Variants in QTMAN observed in about 807,000 individuals in gnomAD.
QTMAN encodes the protein tRNA-queuosine alpha-mannosyltransferase.
At chr2:143,939,719 AC>A in the QTMAN span, 2 of 152,164 alleles carry the variant, frequency 1.3e-5, no homozygotes, top group African/African-American at 2.4e-5. Context: ...AACTTCAGAC[AC>A]CCGAGGAAGA....
chr2:144,095,626 GTA>G, the QTMAN span, among the ~76,000 whole-genome samples: 1 of 152,082 alleles, frequency 6.6e-6, no homozygotes, highest in African/African-American at 2.4e-5. Context: ...GAAAACGCTG[GTA>G]TGCTTTTGAG....
chr2:144,280,953 A>T, the QTMAN span, among the ~76,000 whole-genome samples: 3 of 151,916 alleles, frequency 2.0e-5, no homozygotes, highest in African/African-American at 7.3e-5. Flanking sequence ...ACATGTGCAC[A>T]ACGTGCAGGT....
At chr2:144,152,241 T>C in the QTMAN span, among the ~76,000 whole-genome samples, 1 of 152,214 alleles carries the variant, frequency 6.6e-6, no homozygotes, top group Non-Finnish European at 1.5e-5. Flanking sequence ...TCAAAGACTG[T>C]AGGCACAACC....
At chr2:144,199,893 T>C in the QTMAN span, among the ~76,000 whole-genome samples, 2 of 152,156 alleles carry the variant, frequency 1.3e-5, no homozygotes, top group Non-Finnish European at 2.9e-5. Flanking sequence ...TACTCCAAAG[T>C]GATTTTTTTC....
At chr2:144,118,605 C>A in the QTMAN span, among the ~76,000 whole-genome samples, 1 of 151,976 alleles carries the variant, frequency 6.6e-6, no homozygotes, top group Admixed American at 6.6e-5. Context: ...GATTGTGGGC[C>A]AGGCGCAGTG....
At chr2:143,999,319 A>G in the QTMAN span, among the ~76,000 whole-genome samples, 1 of 151,980 alleles carries the variant, frequency 6.6e-6, no homozygotes, top group Admixed American at 6.6e-5. Flanking sequence ...ATGTCTGTGG[A>G]AGGCAGAGGA....
At chr2:144,027,472 C>A in the QTMAN span, among the ~76,000 whole-genome samples, 1 of 152,108 alleles carries the variant, frequency 6.6e-6, no homozygotes, top group African/African-American at 2.4e-5. Flanking sequence ...TGAAGCAAAA[C>A]CACATGAGAG....
At chr2:144,094,968 C>T in the QTMAN span, among the ~76,000 whole-genome samples, 2 of 152,138 alleles carry the variant, frequency 1.3e-5, no homozygotes, top group African/African-American at 4.8e-5. Flanking sequence ...GTAAACCTAG[C>T]ACCTAGTATG....
chr2:144,170,397 T>A, the QTMAN span, among the ~76,000 whole-genome samples: 314 of 152,282 alleles, frequency 2.1e-3, no homozygotes, highest in African/African-American at 7.2e-3. Flanking sequence ...ATCATTTTCA[T>A]GCTAGTTCCC....
the QTMAN span, among the ~76,000 whole-genome samples, chr2:144,153,293 C>A: frequency 6.6e-6 from 1 of 151,506 alleles, no homozygotes. Flanking sequence ...TGCTTATTGG[C>A]CAAGAAAAAG....
the QTMAN span, among the ~76,000 whole-genome samples, chr2:144,147,664 T>C: frequency 1.3e-5 from 2 of 151,766 alleles, no homozygotes; most frequent in Non-Finnish European, 2.9e-5. Flanking sequence ...GCATAATGTT[T>C]TTCACACACA....
At chr2:144,203,853 A>G in the QTMAN span, among the ~76,000 whole-genome samples, 4 of 152,216 alleles carry the variant, frequency 2.6e-5, no homozygotes, top group Non-Finnish European at 5.9e-5. Flanking sequence ...AATGGGCTTA[A>G]GAAGAACGAA....
the QTMAN span, among the ~76,000 whole-genome samples, chr2:144,225,182 C>T: frequency 1.3e-5 from 2 of 152,176 alleles, no homozygotes; most frequent in Non-Finnish European, 2.9e-5. Flanking sequence ...AATTGGAAAG[C>T]ACCTTCTACT....
chr2:144,277,490 C>T, the QTMAN span, among the ~76,000 whole-genome samples: 1 of 152,002 alleles, frequency 6.6e-6, no homozygotes, highest in Non-Finnish European at 1.5e-5. Flanking sequence ...ACCTGATAGC[C>T]TGACAGGAAT....
At chr2:144,053,400 T>G in the QTMAN span, among the ~76,000 whole-genome samples, 1 of 152,222 alleles carries the variant, frequency 6.6e-6, no homozygotes, top group Non-Finnish European at 1.5e-5. Context: ...AATCATAAGA[T>G]ACTCTTAGGT....
the QTMAN span, among the ~76,000 whole-genome samples, chr2:144,190,054 T>C: frequency 7.9e-5 from 12 of 152,218 alleles, no homozygotes; most frequent in Admixed American, 7.9e-4. Flanking sequence ...GGTAATGATA[T>C]TACAATTATG....
chr2:144,288,884 T>C, the QTMAN span, among the ~76,000 whole-genome samples: 4 of 152,006 alleles, frequency 2.6e-5, no homozygotes, highest in African/African-American at 7.3e-5. Context: ...ATACAAAATA[T>C]GTTTGTTGAA....
the QTMAN span, chr2:143,957,232 T>C: frequency 1.2e-6 from 2 of 1,609,120 alleles, no homozygotes; most frequent in South Asian, 2.2e-5. Context: ...GCTGTTGAGA[T>C]GACAACATCA....
At chr2:144,226,651 C>G in the QTMAN span, among the ~76,000 whole-genome samples, 1 of 152,098 alleles carries the variant, frequency 6.6e-6, no homozygotes, top group Admixed American at 6.5e-5. Context: ...GAATTAAGTT[C>G]TATCCATGCA....
Sources: gnomAD v4.1 joint callset for allele counts (sites outside exome capture counted in the v4.1 genomes callset) on GRCh38, gnomAD v4.1.1 for gene constraint, MANE v1.5 for transcripts, NCBI Gene and HGNC (gene_info 2026-07-23, HGNC 2026-07-21) for gene names.